MAPK14: variants seen among roughly 807,000 people sequenced by gnomAD.
MAPK14 encodes mitogen-activated protein kinase 14.
Under a neutral mutation model 49.6 loss-of-function variants are expected in MAPK14, and 16 were observed. The ratio of observed to expected loss-of-function variants is 0.32; its 90% CI spans 0.22 to 0.49. MAPK14 has a LOEUF of 0.49. Among genes scored for constraint, MAPK14 ranks in the 20% least tolerant of loss-of-function variants. The probability of loss-of-function intolerance (pLI) is 0.99; values close to 1 mark genes in which losing one functional copy is unlikely to be tolerated. For synonymous variants in MAPK14, 142 were observed against 158.0 expected, an observed-to-expected ratio of 0.90 and a Z score of 0.76; for missense variants, 200 against 441.2, an observed-to-expected ratio of 0.45 and a Z score of 4.90.
chr6:36,071,742 A>T (rs1477709333), intron 3 of MAPK14, among the ~76,000 whole-genome samples: 1 of 152,230 alleles, frequency 6.6e-6, no homozygotes, highest in Non-Finnish European at 1.5e-5. Context: ...TTAAAACTAC[A>T]AGATACTTAA....
intron 2 of MAPK14, among the ~76,000 whole-genome samples, chr6:36,056,817 G>A (rs1763607520): frequency 6.6e-6 from 1 of 152,164 alleles, no homozygotes; most frequent in African/African-American, 2.4e-5. Context: ...AGAAAATATT[G>A]GAACGGTGAA....
At chr6:36,117,349 T>C in the MAPK14 span, among the ~76,000 whole-genome samples, 2 of 152,244 alleles carry the variant, frequency 1.3e-5, no homozygotes, top group Non-Finnish European at 2.9e-5. Flanking sequence ...CACTGTGTGC[T>C]CTTGCTTTCT....
At chr6:36,073,360 A>G (rs56362075) in intron 4 of MAPK14, among the ~76,000 whole-genome samples, 21,231 of 152,232 alleles carry the variant, frequency 0.14, 1,810 homozygotes, top group African/African-American at 0.24. Flanking sequence ...TTTTCAAAAA[A>G]TCCTCAAGAA....
intron 3 of MAPK14, 46 bp downstream of exon 3, chr6:36,059,393 A>G: frequency 7.7e-7 from 1 of 1,296,258 alleles, no homozygotes; most frequent in Non-Finnish European, 1.1e-6. Flanking sequence ...CAGAATGAAG[A>G]CTAATAGCCC....
chr6:36,101,489 AT>A (rs556407958), intron 9 of MAPK14, among the ~76,000 whole-genome samples: 161 of 145,934 alleles, frequency 1.1e-3, no homozygotes, highest in Non-Finnish European at 9.4e-4. Flanking sequence ...AAGCAACCAG[AT>A]TTTTTTTTTT....
intron 3 of MAPK14, among the ~76,000 whole-genome samples, chr6:36,065,976 C>T (rs1035137345): frequency 1.3e-5 from 2 of 152,182 alleles, no homozygotes; most frequent in African/African-American, 4.8e-5. Flanking sequence ...TTCTTGCCAA[C>T]ATTACAACTA....
chr6:36,094,001 T>A (rs1765351529), intron 8 of MAPK14, among the ~76,000 whole-genome samples: 1 of 152,214 alleles, frequency 6.6e-6, no homozygotes, highest in African/African-American at 2.4e-5. Flanking sequence ...GCAAGAATTT[T>A]TTTTACTGAT....
intron 8 of MAPK14, among the ~76,000 whole-genome samples, chr6:36,085,911 A>C (rs933486401): frequency 6.6e-6 from 1 of 152,184 alleles, no homozygotes; most frequent in African/African-American, 2.4e-5. Flanking sequence ...ATTGGAAGTA[A>C]AACACTCCTC....
In MAPK14 at chr6:36,097,944, G is replaced by A. The variant is rs768448778; in HGVS notation, c.762+1878G>A. 4.0e-5 allele frequency: 6 copies of A among 151,822 alleles called. No individual in the cohort carries two copies. In the East Asian group the frequency reaches 9.6e-4, roughly 24 times the overall value. 9.4% of individuals were successfully genotyped at this position (151,822 alleles called of 1,614,324 possible). A position where few individuals can be genotyped will look rare whatever the true frequency, so the allele number is the denominator to read the frequency against. On this transcript the variant is annotated intron_variant, in intron 9 of 11. Transcript: ENST00000229794. ...TTTGGTTTGTTTCCTACATAATTGG[G>A]GTGAGTGGATAAAAGTAGTTTAAAC...
chr6:36,096,318 A>G (rs1322651641), intron 9 of MAPK14: 2 of 386,426 alleles, frequency 5.2e-6, no homozygotes, highest in Non-Finnish European at 9.3e-6. Flanking sequence ...ATTAGACAAT[A>G]GTATCCCAGT....
At chr6:36,113,110 G>A (rs1345801736), downstream of MAPK14, among the ~76,000 whole-genome samples, 3 of 152,108 alleles carry the variant, frequency 2.0e-5, no homozygotes, top group Non-Finnish European at 4.4e-5. Flanking sequence ...TTTTAATAAT[G>A]TACATGCCCT....
At chr6:36,058,614 C>T (rs186653153) in intron 2 of MAPK14, among the ~76,000 whole-genome samples, 14 of 152,188 alleles carry the variant, frequency 9.2e-5, no homozygotes, top group Admixed American at 7.9e-4. Context: ...ATGATTGAGA[C>T]GTGGCTGGCC....
At chr6:36,032,925 A>T (rs58583792) in intron 1 of MAPK14, among the ~76,000 whole-genome samples, 24,448 of 152,168 alleles carry the variant, frequency 0.16, 2,687 homozygotes, top group African/African-American at 0.32. Context: ...TCTAGTATAA[A>T]AGAAATAAGT....
intron 1 of MAPK14, among the ~76,000 whole-genome samples, chr6:36,048,151 C>T (rs917913092): frequency 1.7e-4 from 26 of 152,114 alleles, no homozygotes; most frequent in Non-Finnish European, 8.8e-5. Flanking sequence ...AAGTGATCCT[C>T]CCACCTCAGA....
At chr6:36,116,794 A>G in the MAPK14 span, among the ~76,000 whole-genome samples, 1 of 151,268 alleles carries the variant, frequency 6.6e-6, no homozygotes, top group African/African-American at 2.4e-5. Flanking sequence ...TACTTTCCTT[A>G]CCTCCCTACT....
chr6:36,059,560 T>C (rs1763724362), intron 3 of MAPK14, among the ~76,000 whole-genome samples: 1 of 152,250 alleles, frequency 6.6e-6, no homozygotes, highest in African/African-American at 2.4e-5. Flanking sequence ...TTGTACCCCA[T>C]TGAAGAGTCA....
chr6:36,119,249 A>T, the MAPK14 span, among the ~76,000 whole-genome samples: 1 of 152,344 alleles, frequency 6.6e-6, no homozygotes, highest in Admixed American at 6.5e-5. Context: ...AAAGATTTAA[A>T]TGGAGAAAGG....
chr6:36,116,602 A>G, the MAPK14 span, among the ~76,000 whole-genome samples: 17 of 152,150 alleles, frequency 1.1e-4, no homozygotes, highest in African/African-American at 4.1e-4. Flanking sequence ...TGCTCATATC[A>G]GTAATACTCC....
intron 8 of MAPK14, chr6:36,091,899 A>G: frequency 6.5e-6 from 1 of 152,860 alleles, no homozygotes; most frequent in Non-Finnish European, 1.4e-5. Context: ...AAGCTAATTC[A>G]AATCTACATT....
Sources: gnomAD v4.1 joint callset for allele counts (sites outside exome capture counted in the v4.1 genomes callset) on GRCh38, gnomAD v4.1.1 for gene constraint, MANE v1.5 for transcripts, NCBI Gene and HGNC (gene_info 2026-07-23, HGNC 2026-07-21) for gene names.